Variants in ABCB1 observed in about 807,000 individuals in gnomAD.
ABCB1 encodes ATP binding cassette subfamily B member 1.
ABCB1 carries 69 observed loss-of-function variants against 142.0 expected under a neutral mutation model. The ratio of observed to expected loss-of-function variants is 0.49; its 90% CI spans 0.40 to 0.59. The LOEUF (loss-of-function observed/expected upper bound fraction) is 0.59, where lower values mean the gene tolerates loss of function less well. Ranked by LOEUF, ABCB1 falls within the 20% of genes least tolerant of loss-of-function variation. The pLI is 0.00. For synonymous variants in ABCB1, 532 were observed against 539.2 expected, an observed-to-expected ratio of 0.99 and a Z score of 0.18; for missense variants, 1,326 against 1,554.7, an observed-to-expected ratio of 0.85 and a Z score of 2.47.
In ABCB1 at chr7:87,553,841, A is replaced by G. The variant is rs779792612; in HGVS notation, c.919T>C (p.Tyr307His). The change falls in exon 9 of 28, where the codon TAT becomes CAT. Residue 307 changes from tyrosine to histidine, a missense_variant. Coordinates refer to ENST00000622132, the MANE Select transcript of ABCB1 (RefSeq NM_001348946.2). Reference protein sequence around the residue: ...ISIGAAFLLIYASYALAFWYG... With the variant: ...ISIGAAFLLIHASYALAFWYG... Reference sequence around the variant, plus strand: ...CAGAAGGCCAGAGCATAAGATGCATAGATCAGCAGGAAAGCAGCACCTATA... The same window carrying G: ...CAGAAGGCCAGAGCATAAGATGCATGGATCAGCAGGAAAGCAGCACCTATA... 6.2e-7 allele frequency: 1 copy of G among 1,614,146 alleles called. No individual in the cohort carries two copies. Among genetic ancestry groups the G allele is most frequent in the Non-Finnish European group, 8.5e-7 (1 of 1,179,960 alleles).
intron 4 of ABCB1, among the ~76,000 whole-genome samples, chr7:87,582,296 G>A (rs1281921773): frequency 6.6e-6 from 1 of 152,180 alleles, no homozygotes; most frequent in Admixed American, 6.5e-5. Context: ...ACCATATTTG[G>A]TTATCACCTC....
chr7:87,527,447 G>A (rs1295478524), intron 21 of ABCB1, among the ~76,000 whole-genome samples: 5 of 152,056 alleles, frequency 3.3e-5, no homozygotes, highest in African/African-American at 1.2e-4. Context: ...TGGTTCTTAT[G>A]CTAGATTCAT....
rs1483508348 is a variant in ABCB1 at position 87,687,686 on chromosome 7, G to T, written c.-331+25475C>A. On this transcript the variant is annotated intron_variant, in intron 1 of 28. Coordinates refer to the ABCB1 transcript ENST00000265724. Reference sequence around the variant, plus strand: ...CTTTATTTTTTTCTGATAGGACTTGGATTTGGACTCTTAAAACGAGTTAGA... The same window carrying T: ...CTTTATTTTTTTCTGATAGGACTTGTATTTGGACTCTTAAAACGAGTTAGA... Among the ~76,000 whole-genome samples, 6 of 152,052 alleles carry T rather than the reference G, an allele frequency of 3.9e-5. No individual in the cohort carries two copies. In the East Asian group the frequency reaches 1.2e-3, roughly 29 times the overall value.
At chr7:87,547,736 G>A (rs112312162) in intron 14 of ABCB1, among the ~76,000 whole-genome samples, 59 of 151,658 alleles carry the variant, frequency 3.9e-4, no homozygotes, top group South Asian at 1.3e-3. Flanking sequence ...CAGGTGTGGC[G>A]GTGCATGCCT....
chr7:87,526,217 C>T (rs1317949918), intron 21 of ABCB1, among the ~76,000 whole-genome samples: 1 of 149,614 alleles, frequency 6.7e-6, no homozygotes, highest in Non-Finnish European at 1.5e-5. Flanking sequence ...TTGATTGGCT[C>T]TGTCATAAAT....
intron 14 of ABCB1, among the ~76,000 whole-genome samples, chr7:87,548,694 C>T (rs900105415): frequency 2.0e-5 from 3 of 152,142 alleles, no homozygotes; most frequent in Admixed American, 6.5e-5. Flanking sequence ...GAATTATCCC[C>T]GTTACTATCA....
chr7:87,567,080 G>T, intron 5 of ABCB1, 104 bp from the exon 6 acceptor site: 1 of 1,061,638 alleles, frequency 9.4e-7, no homozygotes, highest in Non-Finnish European at 1.4e-6. Context: ...TGGGTATCTC[G>T]CCATCCTTAA....
rs1027794053 is a variant in ABCB1, at chr7:87,629,145, G to C, written c.-330-28067C>G. 7.0e-6 allele frequency: 3 copies of C among 428,758 alleles called. No homozygotes were observed. In the East Asian group the frequency reaches 1.1e-4, roughly 15 times the overall value. The allele number at this position is 428,758 out of a possible 1,614,324, so 26.6% of individuals were successfully genotyped here. A position where few individuals can be genotyped will look rare whatever the true frequency, so the allele number is the denominator to read the frequency against. Reference sequence around the variant, plus strand: ...ACACCGTCGCAGCCCTGGACTTTGTGTCAGTTCCAGTGCTGAAGGTACTGG... The same window carrying C: ...ACACCGTCGCAGCCCTGGACTTTGTCTCAGTTCCAGTGCTGAAGGTACTGG... On this transcript the variant is annotated intron_variant, in intron 1 of 28. Transcript: ENST00000265724.
chr7:87,515,934 GT>G (rs528370781), intron 24 of ABCB1, among the ~76,000 whole-genome samples: 150 of 152,250 alleles, frequency 9.9e-4, no homozygotes, highest in African/African-American at 3.5e-3. Flanking sequence ...ATCTAAAAGA[GT>G]AAAAGCTTTC....
At chr7:87,531,071 C>T (rs926998124) in intron 21 of ABCB1, among the ~76,000 whole-genome samples, 1 of 151,978 alleles carries the variant, frequency 6.6e-6, no homozygotes, top group Non-Finnish European at 1.5e-5. Context: ...GGCCTGAAAA[C>T]TGAAAAAGTC....
intron 2 of ABCB1, among the ~76,000 whole-genome samples, chr7:87,596,761 G>T (rs1177826585): frequency 6.6e-6 from 1 of 151,974 alleles, no homozygotes; most frequent in African/African-American, 2.4e-5. Context: ...AAAATCCAGA[G>T]TTTACCCATT....
intron 1 of ABCB1, among the ~76,000 whole-genome samples, chr7:87,673,079 G>A (rs1563122020): frequency 6.6e-6 from 1 of 152,168 alleles, no homozygotes; most frequent in Non-Finnish European, 1.5e-5. Context: ...TCTGCTGAAA[G>A]GTTTGCTGTT....
intron 1 of ABCB1, chr7:87,694,079 C>T: frequency 6.6e-7 from 1 of 1,512,214 alleles, no homozygotes; most frequent in South Asian, 1.3e-5. Context: ...TTTTGTAAAG[C>T]CTTCTTTTTT....
At chr7:87,521,743 G>C in intron 21 of ABCB1, 1 of 934,542 alleles carries the variant, frequency 1.1e-6, no homozygotes, top group Non-Finnish European at 1.7e-6. Flanking sequence ...CTCAAGAGAA[G>C]ATTCTCAAAG....
chr7:87,626,143 T>C lies in ABCB1; in HGVS notation c.-330-25065A>G, dbSNP rs181265193. ...TATATATTGTCATATATATGTGTCA[T>C]ATATATTGTCATATATATGTGTCAT... On this transcript the variant is annotated intron_variant, in intron 1 of 28. Coordinates refer to the ABCB1 transcript ENST00000265724. Among the ~76,000 whole-genome samples the C allele has an allele frequency of 8.5e-3, 1,155 of 136,532 alleles. 153 individuals are homozygous for C. Among genetic ancestry groups the C allele is most frequent in the African/African-American group, 0.032 (1,063 of 32,714 alleles). The allele number at this position is 136,532 out of a possible 152,430, so 89.6% of individuals were successfully genotyped here. A position where few individuals can be genotyped will look rare whatever the true frequency, so the allele number is the denominator to read the frequency against.
intron 1 of ABCB1, among the ~76,000 whole-genome samples, chr7:87,688,831 G>A (rs1334576406): frequency 6.6e-6 from 1 of 151,758 alleles, no homozygotes; most frequent in Non-Finnish European, 1.5e-5. Flanking sequence ...TTTGTTATAG[G>A]TATTTCTGGG....
intron 1 of ABCB1, among the ~76,000 whole-genome samples, chr7:87,705,731 T>C (rs1262798411): frequency 2.0e-5 from 3 of 152,216 alleles, no homozygotes; most frequent in African/African-American, 7.2e-5. Flanking sequence ...ATCTCATTCT[T>C]TTCTGAACTC....
chr7:87,567,055 A>AT (rs1011481536), intron 5 of ABCB1, 79 bp from the exon 6 acceptor site: 6 of 1,367,766 alleles, frequency 4.4e-6, no homozygotes, highest in Non-Finnish European at 6.2e-6. Flanking sequence ...ACTCATTCCT[A>AT]TTTTTTCACT....
rs1228412156 is a variant in ABCB1, at chr7:87,566,988, CA to C, written c.339-13del. On this transcript the variant is annotated splice_polypyrimidine_tract_variant and intron_variant, in intron 5 of 27. Transcript: ENST00000622132. The stretch of plus-strand genomic sequence containing the variant: ...AATAATAGGCATACCTGAAAAACAA[CA>C]AGAACACTGCACATGCTCTCTGTTT... 6.2e-7 allele frequency: 1 copy of C among 1,612,664 alleles called. No individual in the cohort carries two copies. Among genetic ancestry groups the C allele is most frequent in the Non-Finnish European group, 8.5e-7 (1 of 1,178,700 alleles).
Sources: allele counts gnomAD v4.1 joint callset (sites outside exome capture counted in the v4.1 genomes callset), GRCh38; gene constraint gnomAD v4.1.1; transcripts MANE v1.5; gene names NCBI Gene and HGNC (gene_info 2026-07-23, HGNC 2026-07-21).